The following MYCT1 variants were observed in gnomAD, a reference collection of about 807,000 sequenced individuals.
MYCT1 encodes the protein myc target protein 1.
MYCT1 carries 12 observed loss-of-function variants against 15.0 expected under a neutral mutation model. That is an observed-to-expected ratio of 0.80 (90% CI 0.51 to 1.29). The LOEUF is 1.29. Ranked by LOEUF, MYCT1 falls within the 50% of genes most tolerant of loss-of-function variation. MYCT1 has a pLI of 0.00. For missense variants in MYCT1, 287 were observed against 279.1 expected (o/e 1.03, Z -0.20); for synonymous variants, 104 against 102.7 (o/e 1.01, Z -0.07).
chr6:152,705,692 T>C, intron 1 of MYCT1: 1 of 187,102 alleles, frequency 5.3e-6, no homozygotes, highest in Non-Finnish European at 1.1e-5. Flanking sequence ...TGATCTTTAA[T>C]GTTTATTATT....
chr6:152,742,751 C>T, the MYCT1 span, among the ~76,000 whole-genome samples: 1 of 152,158 alleles, frequency 6.6e-6, no homozygotes, highest in African/African-American at 2.4e-5. Flanking sequence ...CCCCATCACA[C>T]ATAATGTATG....
chr6:152,735,295 G>A, the MYCT1 span, among the ~76,000 whole-genome samples: 1 of 152,074 alleles, frequency 6.6e-6, no homozygotes, highest in South Asian at 2.1e-4. Flanking sequence ...TAAACTTTTT[G>A]GTAAGTGAGC....
intron 1 of MYCT1, among the ~76,000 whole-genome samples, chr6:152,707,422 C>T (rs987593534): frequency 4.6e-5 from 7 of 151,948 alleles, no homozygotes; most frequent in Admixed American, 3.3e-4. Flanking sequence ...ATCAGATATA[C>T]GGTTTGCAAA....
In MYCT1 at chr6:152,722,657, AG is replaced by A. The variant is rs1371667952; in HGVS notation, c.*405del. ...AAAAAAAATCACTGTGTCACTTTAA[AG>A]AAAAATCTTCTAAGGGATTTGGATT... On this transcript the variant is annotated 3_prime_UTR_variant, in exon 2 of 2. Transcript: ENST00000367245. 7 of 242,716 alleles carry A rather than the reference AG, an allele frequency of 2.9e-5. No individual in the cohort carries two copies. In the South Asian group the frequency reaches 3.0e-4, roughly 10 times the overall value. The allele number at this position is 242,716 out of a possible 1,614,324, so 15.0% of individuals were successfully genotyped here. A position where few individuals can be genotyped will look rare whatever the true frequency, so the allele number is the denominator to read the frequency against.
intron 1 of MYCT1, among the ~76,000 whole-genome samples, chr6:152,699,019 T>C (rs1012482560): frequency 5.3e-5 from 8 of 152,150 alleles, no homozygotes; most frequent in African/African-American, 1.7e-4. Flanking sequence ...AAAAACACTT[T>C]AATGAAGAAA....
the MYCT1 span, among the ~76,000 whole-genome samples, chr6:152,734,510 A>G: frequency 0.54 from 81,817 of 152,032 alleles, 24,421 homozygotes; most frequent in Non-Finnish European, 0.66. Context: ...CATGAGCAGT[A>G]TTCTTTCTGG....
chr6:152,699,613 G>A (rs2099720982), intron 1 of MYCT1, among the ~76,000 whole-genome samples: 1 of 152,044 alleles, frequency 6.6e-6, no homozygotes, highest in Admixed American at 6.6e-5. Context: ...GCTAGAGTCT[G>A]TCTAAATCAA....
Position 152,722,159 on chromosome 6 carries a change from C to G in MYCT1, c.614C>G (p.Pro205Arg), listed in dbSNP as rs758125474. The G allele has an allele frequency of 6.2e-7, 1 of 1,614,194 alleles. No individual in the cohort carries two copies. The highest frequency in any genetic ancestry group is 2.2e-5 in the East Asian group (1 of 44,888). ...AGCACTTCCCACAGTCTGAGCCGTC[C>G]TGACTACTGGTCCAGTAACAGTCTT... ...TISTSHSLSR[P>R]DYWSSNSLRV... Residue 205 changes from proline to arginine, a missense_variant, in exon 2 of 2, where the codon CCT becomes CGT. By Grantham distance (103) the Pro-to-Arg change is moderately radical. Transcript: ENST00000367245.
chr6:152,701,544 A>T (rs565250371), intron 1 of MYCT1, among the ~76,000 whole-genome samples: 1 of 152,176 alleles, frequency 6.6e-6, no homozygotes, highest in African/African-American at 2.4e-5. Context: ...CCCTCTGGGA[A>T]TTTTCTTTAA....
At chr6:152,739,824 C>T in the MYCT1 span, among the ~76,000 whole-genome samples, 1 of 151,748 alleles carries the variant, frequency 6.6e-6, no homozygotes, top group Non-Finnish European at 1.5e-5. Flanking sequence ...TTAAAAAATA[C>T]TAAGTTGTCA....
chr6:152,707,169 A>T (rs2099722438), intron 1 of MYCT1, among the ~76,000 whole-genome samples: 1 of 151,938 alleles, frequency 6.6e-6, no homozygotes, highest in African/African-American at 2.4e-5. Context: ...AGCACTCATT[A>T]TCTTTTGTCT....
chr6:152,721,844 G>A lies in MYCT1; in HGVS notation c.299G>A (p.Ser100Asn). 1 of 1,614,110 alleles carries A rather than the reference G, an allele frequency of 6.2e-7. No homozygotes were observed. Among genetic ancestry groups the A allele is most frequent in the Non-Finnish European group, 8.5e-7 (1 of 1,180,024 alleles). ...TGTCTGTCTCGAAGAAGAAGAGCCA[G>A]TGCTCCCATCTCACAGTGGAGTTCA... ...FICLSRRRRA[S>N]APISQWSSSR... The change falls in exon 2 of 2, where the codon AGT (serine) becomes AAT (asparagine). Residue 100 changes from serine (S) to asparagine (N), a missense_variant. Ser to Asn is a conservative substitution (Grantham distance 46, BLOSUM62 1). Coordinates refer to ENST00000367245, the MANE Select transcript of MYCT1 (RefSeq NM_025107.3).
the MYCT1 span, among the ~76,000 whole-genome samples, chr6:152,740,967 T>C: frequency 6.6e-6 from 1 of 152,172 alleles, no homozygotes; most frequent in South Asian, 2.1e-4. Flanking sequence ...CCACTTTTTA[T>C]TTCCTGTGAT....
Position 152,716,578 on chromosome 6 carries a change from A to T in MYCT1, c.197-5164A>T, listed in dbSNP as rs190247946. ...GTATTGATTATATTTACTAAAAATC[A>T]TATTCAATATTACAATATTAAAATT... On this transcript the variant is annotated intron_variant, in intron 1 of 1. Coordinates refer to ENST00000367245, the MANE Select transcript of MYCT1 (RefSeq NM_025107.3). Among the ~76,000 whole-genome samples the T allele has an allele frequency of 1.0e-3, 157 of 152,316 alleles. 1 individual carries two copies. Among genetic ancestry groups the T allele is most frequent in the African/African-American group, 3.4e-3 (143 of 41,570 alleles).
chr6:152,714,182 C>A (rs1164510493), intron 1 of MYCT1, among the ~76,000 whole-genome samples: 5 of 151,860 alleles, frequency 3.3e-5, no homozygotes, highest in Admixed American at 2.0e-4. Flanking sequence ...CTCCTGCCCA[C>A]TCTTTTTCCC....
the MYCT1 span, among the ~76,000 whole-genome samples, chr6:152,730,729 C>T: frequency 6.6e-6 from 1 of 152,106 alleles, no homozygotes; most frequent in African/African-American, 2.4e-5. Context: ...CTAGATACCA[C>T]AATCACCTTT....
chr6:152,704,681 C>G (rs574370424), intron 1 of MYCT1, among the ~76,000 whole-genome samples: 1 of 152,154 alleles, frequency 6.6e-6, no homozygotes, highest in Admixed American at 6.6e-5. Context: ...ATTACTTTGG[C>G]TTTTCGTGAC....
intron 1 of MYCT1, among the ~76,000 whole-genome samples, chr6:152,701,427 G>T (rs2129067972): frequency 6.6e-6 from 1 of 152,352 alleles, no homozygotes; most frequent in South Asian, 2.1e-4. Context: ...AGTTTGTAAG[G>T]CAGGTTGGAG....
the MYCT1 span, among the ~76,000 whole-genome samples, chr6:152,729,756 G>T: frequency 3.9e-5 from 6 of 152,162 alleles, no homozygotes; most frequent in Admixed American, 6.5e-5. Flanking sequence ...CTTGTGATCT[G>T]CTGAGCAGCT....
Sources: gnomAD v4.1 joint callset for allele counts (sites outside exome capture counted in the v4.1 genomes callset) on GRCh38, gnomAD v4.1.1 for gene constraint, MANE v1.5 for transcripts, NCBI Gene and HGNC (gene_info 2026-07-23, HGNC 2026-07-21) for gene names.